ASXL2: variants seen among roughly 807,000 people sequenced by gnomAD.
The protein encoded by ASXL2 is ASXL transcriptional regulator 2.
Under a neutral mutation model 122.0 loss-of-function variants are expected in ASXL2, and 23 were observed. That is an observed-to-expected ratio of 0.19 (90% CI 0.14 to 0.27). The LOEUF (loss-of-function observed/expected upper bound fraction) is 0.27, where lower values mean the gene tolerates loss of function less well. Ranked by LOEUF, ASXL2 falls within the 10% of genes least tolerant of loss-of-function variation. The probability of loss-of-function intolerance (pLI) is 1.00; values close to 1 mark genes in which losing one functional copy is unlikely to be tolerated. For synonymous variants in ASXL2, 650 were observed against 637.0 expected, an observed-to-expected ratio of 1.02 and a Z score of -0.31; for missense variants, 1,518 against 1,713.8, an observed-to-expected ratio of 0.89 and a Z score of 2.02.
At position 25,786,243 on chromosome 2, in the gene ASXL2, C is replaced by CTTTTTTTTTTTTTTTTTT. The variant is rs370316025; in HGVS notation, c.403+13141_403+13142insAAAAAAAAAAAAAAAAAA. Among the ~76,000 whole-genome samples, 215 of 112,356 alleles carry CTTTTTTTTTTTTTTTTTT rather than the reference C, an allele frequency of 1.9e-3. 20 individuals are homozygous for CTTTTTTTTTTTTTTTTTT. Among genetic ancestry groups the CTTTTTTTTTTTTTTTTTT allele is most frequent in the East Asian group, 5.1e-3 (13 of 2,536 alleles). The allele number at this position is 112,356 out of a possible 152,430, so 73.7% of individuals were successfully genotyped here. ...AAACAACCTACTACTCCACATCATTCTTTTTTTTTTTTTTTTGAGATGGAG... is the reference window on the plus strand; with the variant it reads ...AAACAACCTACTACTCCACATCATTCTTTTTTTTTTTTTTTTTTTTTTTTTTTTTTTTTTGAGATGGAG... On this transcript the variant is annotated intron_variant, in intron 5 of 12. Coordinates refer to ENST00000435504, the MANE Select transcript of ASXL2 (RefSeq NM_018263.6).
chr2:25,793,468 T>C (rs886648407), intron 5 of ASXL2, among the ~76,000 whole-genome samples: 7 of 152,172 alleles, frequency 4.6e-5, no homozygotes, highest in African/African-American at 1.7e-4. Context: ...GTAGATGCAT[T>C]TGAGTTAAAA....
intron 1 of ASXL2, among the ~76,000 whole-genome samples, chr2:25,877,315 G>A (rs2090017370): frequency 6.6e-6 from 1 of 152,086 alleles, no homozygotes; most frequent in African/African-American, 2.4e-5. Flanking sequence ...CATACAACAT[G>A]CTTTTAATTT....
intron 3 of ASXL2, chr2:25,810,785 G>A: frequency 1.9e-6 from 1 of 522,924 alleles, no homozygotes; most frequent in African/African-American, 1.9e-5. Flanking sequence ...TGAGATTTAA[G>A]TCACAAGAAG....
intron 1 of ASXL2, among the ~76,000 whole-genome samples, chr2:25,874,681 T>C (rs2089996704): frequency 6.6e-6 from 1 of 152,174 alleles, no homozygotes; most frequent in African/African-American, 2.4e-5. Flanking sequence ...TGGCTCTCAA[T>C]ATCCCCGGTT....
At chr2:25,776,630 G>A (rs1440344415) in intron 5 of ASXL2, among the ~76,000 whole-genome samples, 2 of 152,146 alleles carry the variant, frequency 1.3e-5, no homozygotes, top group Admixed American at 1.3e-4. Context: ...AATGTACAAG[G>A]CCACTTTCTT....
chr2:25,750,799 T>C (rs184267133), intron 11 of ASXL2, among the ~76,000 whole-genome samples: 2 of 152,328 alleles, frequency 1.3e-5, no homozygotes, highest in Non-Finnish European at 2.9e-5. Context: ...AGGGGCCACA[T>C]TGTCTGGACG....
Position 25,742,194 on chromosome 2 carries a change from G to A in ASXL2, c.4143C>T (p.Thr1381=), listed in dbSNP as rs1427548582. Residue 1381 remains threonine, a synonymous_variant, in exon 13 of 13, where the codon ACC becomes ACT. Transcript: ENST00000435504. ...CTTCGGAGAACGCCTGAACAGGAAT[G>A]GTCTGGCCATGGCTGCTGGGATTCA... The part of the protein sequence containing the change: ...QAMNPSSHGQ[T]IPVQAFSEEN... 1.2e-6 allele frequency: 2 copies of A among 1,613,908 alleles called. No homozygotes were observed. Among genetic ancestry groups the A allele is most frequent in the African/African-American group, 2.7e-5 (2 of 74,936 alleles).
intron 10 of ASXL2, among the ~76,000 whole-genome samples, chr2:25,754,937 G>A (rs1232599692): frequency 6.6e-6 from 1 of 152,128 alleles, no homozygotes; most frequent in African/African-American, 2.4e-5. Flanking sequence ...AAAAGAAGAG[G>A]ATGGGAAAAG....
intron 3 of ASXL2, among the ~76,000 whole-genome samples, chr2:25,817,796 T>TG (rs1210511792): frequency 2.0e-5 from 3 of 152,136 alleles, no homozygotes; most frequent in African/African-American, 7.2e-5. Context: ...GCAAGGTACT[T>TG]GTTCACCAAG....
intron 5 of ASXL2, among the ~76,000 whole-genome samples, chr2:25,793,385 A>G (rs947433790): frequency 6.6e-6 from 1 of 152,232 alleles, no homozygotes; most frequent in African/African-American, 2.4e-5. Context: ...ACATTATTAC[A>G]GCATTGAGAA....
At position 25,742,226 on chromosome 2, in the gene ASXL2, G is replaced by T. The variant is rs115221221; in HGVS notation, c.4111C>A (p.Gln1371Lys). Residue 1371 changes from glutamine (Q) to lysine (K), a missense_variant, in exon 13 of 13, where the codon CAA (glutamine) becomes AAA (lysine). Coordinates refer to ENST00000435504, the MANE Select transcript of ASXL2 (RefSeq NM_018263.6). ...SVTVTTIPAS[Q>K]AMNPSSHGQT... ...CCATGGCTGCTGGGATTCATAGCTT[G>T]GCTAGCAGGGATGGTAGTGACAGTC... The T allele has an allele frequency of 3.6e-3, 5,870 of 1,613,978 alleles. 35 individuals carry two copies. The highest frequency in any genetic ancestry group is 3.3e-3 in the Non-Finnish European group (3,901 of 1,179,894).
At chr2:25,756,161 G>C (rs367961376) in intron 9 of ASXL2, 47 bp from the exon 10 acceptor site, 4 of 1,186,360 alleles carry the variant, frequency 3.4e-6, no homozygotes, top group Non-Finnish European at 4.7e-6. Flanking sequence ...AAAGTGAAAG[G>C]TATCACGTCG....
intron 8 of ASXL2, among the ~76,000 whole-genome samples, chr2:25,763,860 C>G (rs6753192): frequency 6.6e-6 from 1 of 151,954 alleles, no homozygotes; most frequent in Non-Finnish European, 1.5e-5. Context: ...ATTTGATTTT[C>G]AAGTCTGTTG....
intron 8 of ASXL2, among the ~76,000 whole-genome samples, chr2:25,761,667 C>T (rs142087150): frequency 0.026 from 3,314 of 129,822 alleles, 114 homozygotes; most frequent in African/African-American, 0.087. Flanking sequence ...AGCCAGACTC[C>T]GTCTCAAAAA....
chr2:25,744,005 G>T lies in ASXL2; in HGVS notation c.2332C>A (p.Pro778Thr), dbSNP rs199523020. 2.4e-5 allele frequency: 39 copies of T among 1,613,854 alleles called. No individual in the cohort carries two copies. Among genetic ancestry groups the T allele is most frequent in the Non-Finnish European group, 3.0e-5 (35 of 1,179,878 alleles). The change falls in exon 13 of 13, where the codon CCA becomes ACA. Residue 778 changes from proline to threonine, a missense_variant. Physicochemically the swap from Pro to Thr is conservative, Grantham distance 38 (BLOSUM62 -1). Transcript: ENST00000435504. This position sits in a 1 kb window ranked among gnomAD's most constrained non-coding sequence, Gnocchi z 4.7. ...CTGACGGCAGGTGTTGGAGGCACTG[G>T]GGGGGTTTGCTGTAGTTGTGCTCCA... ...VSGAQLQQTP[P>T]VPPTPAVSGA...
chr2:25,745,690 C>CT (rs2149138449), intron 12 of ASXL2, among the ~76,000 whole-genome samples: 1 of 125,074 alleles, frequency 8.0e-6, no homozygotes, highest in East Asian at 2.3e-4. Context: ...GTCACCCAGG[C>CT]TGGAGTGCAG....
chr2:25,851,070 T>C (rs1322847992), intron 1 of ASXL2, among the ~76,000 whole-genome samples: 1 of 149,876 alleles, frequency 6.7e-6, no homozygotes, highest in East Asian at 2.0e-4. Context: ...CACTTGAACC[T>C]GGGAGGCGAA....
intron 3 of ASXL2, among the ~76,000 whole-genome samples, chr2:25,821,737 C>A (rs1482295961): frequency 6.6e-6 from 1 of 152,174 alleles, no homozygotes; most frequent in Non-Finnish European, 1.5e-5. Flanking sequence ...GAAAAGAAAA[C>A]CATTCCAAAA....
chr2:25,755,435 T>G (rs549440782), intron 10 of ASXL2, among the ~76,000 whole-genome samples: 12 of 152,362 alleles, frequency 7.9e-5, no homozygotes, highest in Admixed American at 2.6e-4. Context: ...GGCAGACCAG[T>G]GATCACAGTC....
Sources: gnomAD v4.1 joint callset for allele counts (sites outside exome capture counted in the v4.1 genomes callset) on GRCh38, gnomAD v4.1.1 for gene constraint, Gnocchi (gnomAD v3.1) non-coding constraint, MANE v1.5 for transcripts, NCBI Gene and HGNC (gene_info 2026-07-23, HGNC 2026-07-21) for gene names.